The following SGMS2 variants were observed in gnomAD, a reference collection of about 807,000 sequenced individuals.
The protein encoded by SGMS2 is sphingomyelin synthase 2, also known as phosphatidylcholine:ceramide cholinephosphotransferase 2.
SGMS2 carries 21 observed loss-of-function variants against 43.8 expected under a neutral mutation model. The observed-to-expected ratio is 0.48, with a 90% CI of 0.34 to 0.69. The LOEUF (loss-of-function observed/expected upper bound fraction) is 0.69. Ranked by LOEUF, SGMS2 falls within the 30% of genes least tolerant of loss-of-function variation. The pLI, the probability that SGMS2 is intolerant of heterozygous loss-of-function variation, is 0.01. For missense variants in SGMS2, 384 were observed against 443.2 expected, an observed-to-expected ratio of 0.87 and a Z score of 1.20; for synonymous variants, 167 against 160.6, an observed-to-expected ratio of 1.04 and a Z score of -0.30.
At chr4:107,874,446 C>T (rs1728767939) in intron 2 of SGMS2, among the ~76,000 whole-genome samples, 1 of 152,142 alleles carries the variant, frequency 6.6e-6, no homozygotes, top group Admixed American at 6.6e-5. Flanking sequence ...AGTTTACTTG[C>T]TCTAGAGCTA....
At position 107,910,919 on chromosome 4, in the gene SGMS2, G is replaced by C. The variant is rs1732074799; in HGVS notation, c.*366G>C. On this transcript the variant is annotated 3_prime_UTR_variant, in exon 7 of 7. Transcript: ENST00000690982. ...TTTCAGCCCAAGGTCAGAAGAATGT[G>C]TTAATATTTTAAATAAAATATCTGG... 1 of 183,876 alleles carries C rather than the reference G, an allele frequency of 5.4e-6. No individual in the cohort carries two copies. The highest frequency in any genetic ancestry group is 2.4e-5 in the African/African-American group (1 of 41,980). The allele number at this position is 183,876 out of a possible 1,614,324, so 11.4% of individuals were successfully genotyped here. A position where few individuals can be genotyped will look rare whatever the true frequency, so the allele number is the denominator to read the frequency against.
chr4:107,824,858 C>A, upstream of SGMS2: 1 of 152,612 alleles, frequency 6.6e-6, no homozygotes, highest in Non-Finnish European at 1.5e-5. Context: ...ATGTCAAGAG[C>A]GCGCTGGGCG....
intron 1 of SGMS2, among the ~76,000 whole-genome samples, chr4:107,855,201 C>T (rs550836056): frequency 1.6e-4 from 25 of 151,968 alleles, no homozygotes; most frequent in Admixed American, 1.3e-3. Flanking sequence ...CTTTTTTCTC[C>T]ATTTATTTCT....
At position 107,910,621 on chromosome 4, in the gene SGMS2, T is replaced by C; in HGVS notation, c.*68T>C. On this transcript the variant is annotated 3_prime_UTR_variant, in exon 7 of 7. Transcript: ENST00000690982. The stretch of plus-strand genomic sequence containing the variant: ...CGCTGTAACCAAAGGTATAGTTTTG[T>C]TTTTTATTTTAGGAGAACTGACTGG... 1 of 1,470,982 alleles carries C rather than the reference T, an allele frequency of 6.8e-7. No individual in the cohort carries two copies. 91.1% of individuals were successfully genotyped at this position (1,470,982 alleles called of 1,614,324 possible).
At chr4:107,841,341 C>A (rs975816701) in intron 1 of SGMS2, among the ~76,000 whole-genome samples, 5 of 152,096 alleles carry the variant, frequency 3.3e-5, no homozygotes, top group African/African-American at 1.2e-4. Context: ...CATTATTAAC[C>A]CCTGAAGGCA....
At position 107,896,107 on chromosome 4, in the gene SGMS2, TCA is replaced by T. The variant is rs976163875; in HGVS notation, c.455+100_455+101del. ...TTTTCCTTTTTTTCCCCCAATAAATTCAGTCTTACCCAAACATTTGATGAAAG... is the reference window on the plus strand; with the variant it reads ...TTTTCCTTTTTTTCCCCCAATAAATTGTCTTACCCAAACATTTGATGAAAG... On this transcript the variant is annotated intron_variant, in intron 3 of 6. Transcript: ENST00000690982. 21 of 1,085,530 alleles carry T rather than the reference TCA, an allele frequency of 1.9e-5. No individual in the cohort carries two copies. In the African/African-American group the frequency reaches 2.4e-4, roughly 12 times the overall value. The allele number at this position is 1,085,530 out of a possible 1,614,324, so 67.2% of individuals were successfully genotyped here.
intron 1 of SGMS2, among the ~76,000 whole-genome samples, chr4:107,830,108 C>T (rs1329188783): frequency 1.3e-5 from 2 of 152,166 alleles, no homozygotes; most frequent in African/African-American, 4.8e-5. Context: ...TTAGCTCCCA[C>T]TTATAAGTGA....
Position 107,895,448 on chromosome 4 carries a change from G to T in SGMS2, c.-106G>T, listed in dbSNP as rs1383552024. On this transcript the variant is annotated 5_prime_UTR_variant, in exon 3 of 7. Coordinates refer to ENST00000690982, the MANE Select transcript of SGMS2 (RefSeq NM_001375905.1). ...TTTGTATTAGGAAACAAAGTCCATT[G>T]TAAGAGTCCATGTTGATCTTGGAAA... 2.6e-6 allele frequency: 3 copies of T among 1,152,794 alleles called. No individual in the cohort carries two copies. The highest frequency in any genetic ancestry group is 1.6e-5 in the African/African-American group (1 of 64,354). 71.4% of individuals were successfully genotyped at this position (1,152,794 alleles called of 1,614,324 possible).
intron 6 of SGMS2, among the ~76,000 whole-genome samples, chr4:107,909,299 CAG>C (rs1333206558): frequency 6.6e-6 from 1 of 151,950 alleles, no homozygotes; most frequent in African/African-American, 2.4e-5. Flanking sequence ...TTAGTAGAGA[CAG>C]GGTTTCACCA....
At chr4:107,860,301 C>A (rs1211404539) in intron 2 of SGMS2, among the ~76,000 whole-genome samples, 3 of 151,942 alleles carry the variant, frequency 2.0e-5, no homozygotes, top group Non-Finnish European at 4.4e-5. Flanking sequence ...ATAACAGAGT[C>A]CATTTATGGA....
rs905479624 is a variant in SGMS2, at chr4:107,825,451, T to G, written c.-327+198T>G. 2.0e-5 allele frequency among the ~76,000 whole-genome samples: 3 copies of G among 150,872 alleles called. No individual in the cohort carries two copies. In the East Asian group the frequency reaches 5.9e-4, roughly 30 times the overall value. ...GCCTTAGTCTCCTTCCTCTGAGCAG[T>G]CATCTCATTCATTTGCAACCCATTT... On this transcript the variant is annotated intron_variant, in intron 1 of 6. Coordinates refer to ENST00000690982, the MANE Select transcript of SGMS2 (RefSeq NM_001375905.1).
chr4:107,847,957 C>T (rs1470793078), intron 1 of SGMS2, among the ~76,000 whole-genome samples: 2 of 152,092 alleles, frequency 1.3e-5, no homozygotes, highest in Admixed American at 1.3e-4. Flanking sequence ...TTAGAGTTCA[C>T]TTTTTATATT....
intron 3 of SGMS2, among the ~76,000 whole-genome samples, chr4:107,897,527 AG>A (rs1730773362): frequency 6.6e-6 from 1 of 152,238 alleles, no homozygotes; most frequent in Admixed American, 6.5e-5. Context: ...GAAATTGTCC[AG>A]AATCTGGTAA....
In SGMS2 at chr4:107,895,568, G is replaced by C. The variant is rs1318930261; in HGVS notation, c.15G>C (p.Glu5Asp). MDIIETAKLEEHLEN... is the reference protein window; with the variant it reads MDIIDTAKLEEHLEN... The stretch of plus-strand genomic sequence containing the variant: ...ACTAGGGGACAATGGATATCATAGA[G>C]ACAGCAAAACTTGAAGAACATTTGG... The change falls in exon 3 of 7, where the codon GAG becomes GAC. Residue 5 changes from glutamate (E) to aspartate (D), a missense_variant. Glu to Asp is a conservative substitution (Grantham distance 45). Coordinates refer to ENST00000690982, the MANE Select transcript of SGMS2 (RefSeq NM_001375905.1). The C allele has an allele frequency of 6.2e-7, 1 of 1,613,438 alleles. No individual in the cohort carries two copies. The highest frequency in any genetic ancestry group is 8.5e-7 in the Non-Finnish European group (1 of 1,179,648).
chr4:107,895,432 G>A lies in SGMS2; in HGVS notation c.-122G>A. The A allele has an allele frequency of 9.8e-7, 1 of 1,019,928 alleles. No homozygotes were observed. Among genetic ancestry groups the A allele is most frequent in the Non-Finnish European group, 1.5e-6 (1 of 689,284 alleles). 63.2% of individuals were successfully genotyped at this position (1,019,928 alleles called of 1,614,324 possible). On this transcript the variant is annotated 5_prime_UTR_variant, in exon 3 of 7. It removes the in-frame stop codon of an upstream open reading frame in the 5' UTR. Coordinates refer to ENST00000690982, the MANE Select transcript of SGMS2 (RefSeq NM_001375905.1). ...TGGCTACCTTCTACATTTTGTATTA[G>A]GAAACAAAGTCCATTGTAAGAGTCC...
intron 3 of SGMS2, among the ~76,000 whole-genome samples, chr4:107,898,243 T>C (rs1237311683): frequency 1.5e-5 from 2 of 136,218 alleles, no homozygotes; most frequent in East Asian, 4.6e-4. Context: ...CATCTACTAG[T>C]CTAGGTGGTG....
chr4:107,901,726 A>G (rs928233410), intron 4 of SGMS2, among the ~76,000 whole-genome samples: 2 of 152,188 alleles, frequency 1.3e-5, no homozygotes, highest in African/African-American at 2.4e-5. Flanking sequence ...GTGTGTTTAC[A>G]TAAGTGTTGG....
At chr4:107,836,345 A>G (rs1726171753) in intron 1 of SGMS2, among the ~76,000 whole-genome samples, 1 of 152,184 alleles carries the variant, frequency 6.6e-6, no homozygotes, top group African/African-American at 2.4e-5. Context: ...AAACTGAATT[A>G]TATCATGGAG....
intron 2 of SGMS2, chr4:107,867,531 T>C (rs1728216238): frequency 1.3e-5 from 2 of 152,184 alleles, no homozygotes; most frequent in South Asian, 4.1e-4. Flanking sequence ...GCGACGCTTT[T>C]CCCAAAGAGG....
Sources: gnomAD v4.1 joint callset for allele counts (sites outside exome capture counted in the v4.1 genomes callset) on GRCh38, gnomAD v4.1.1 for gene constraint, MANE v1.5 for transcripts, NCBI Gene and HGNC (gene_info 2026-07-23, HGNC 2026-07-21) for gene names.